GALNTL6: variants seen among roughly 807,000 people sequenced by gnomAD.
GALNTL6 encodes the protein polypeptide N-acetylgalactosaminyltransferase like 6, also known as polypeptide N-acetylgalactosaminyltransferase-like 6.
In GALNTL6, 46 loss-of-function variants were observed where a neutral mutation model predicts 73.7. That is an observed-to-expected ratio of 0.62 (90% CI 0.49 to 0.80). GALNTL6 has a LOEUF of 0.80. Ranked by LOEUF, GALNTL6 falls within the 30% of genes least tolerant of loss-of-function variation. The pLI is 0.00. For synonymous variants in GALNTL6, 259 were observed against 263.7 expected (o/e 0.98, Z 0.17); for missense variants, 604 against 755.0 (o/e 0.80, Z 2.34).
chr4:172,137,281 G>A (rs1211274632), intron 2 of GALNTL6, among the ~76,000 whole-genome samples: 1 of 152,110 alleles, frequency 6.6e-6, no homozygotes, highest in African/African-American at 2.4e-5. Flanking sequence ...CTGAGAGAAG[G>A]AAAGTAGTTT....
At chr4:172,156,516 G>A (rs541872111) in intron 2 of GALNTL6, among the ~76,000 whole-genome samples, 1 of 117,518 alleles carries the variant, frequency 8.5e-6, no homozygotes, top group Non-Finnish European at 1.7e-5. Context: ...GCAGATATTT[G>A]ACTTTAAATA....
chr4:171,927,281 GCTTTA>G (rs1476920368), intron 2 of GALNTL6, among the ~76,000 whole-genome samples: 4 of 151,892 alleles, frequency 2.6e-5, no homozygotes, highest in African/African-American at 7.2e-5. Context: ...TATTGTTGGT[GCTTTA>G]CTTTTCTTTT....
chr4:172,461,347 C>T (rs1288698840), intron 5 of GALNTL6, among the ~76,000 whole-genome samples: 2 of 152,010 alleles, frequency 1.3e-5, no homozygotes, highest in African/African-American at 2.4e-5. Context: ...ACATGTATCC[C>T]AGAACTTAAA....
At position 172,184,266 on chromosome 4, in the gene GALNTL6, T is replaced by C. The variant is rs921900638; in HGVS notation, c.139-45390T>C. Among the ~76,000 whole-genome samples, 6 of 152,106 alleles carry C rather than the reference T, an allele frequency of 3.9e-5. No individual in the cohort carries two copies. The East Asian group carries it at 1.2e-3, about 29-fold the overall frequency. On this transcript the variant is annotated intron_variant, in intron 2 of 12. Coordinates refer to ENST00000506823, the MANE Select transcript of GALNTL6 (RefSeq NM_001034845.3). ...AGTGGGTATTTCCTAAGTTCAGCAT[T>C]TCTCTGCTGTGACACAGACCTGCTG... is the stretch of plus-strand genomic sequence containing the variant.
chr4:172,424,484 T>C (rs2111368437), intron 5 of GALNTL6, among the ~76,000 whole-genome samples: 1 of 152,204 alleles, frequency 6.6e-6, no homozygotes, highest in East Asian at 1.9e-4. Context: ...TTAGTGACGG[T>C]GAGCTAACTA....
intron 5 of GALNTL6, among the ~76,000 whole-genome samples, chr4:172,570,379 G>C (rs185949880): frequency 6.6e-6 from 1 of 152,304 alleles, no homozygotes; most frequent in East Asian, 1.9e-4. Flanking sequence ...CCTAATACAA[G>C]TGGATGCTGT....
intron 2 of GALNTL6, among the ~76,000 whole-genome samples, chr4:172,151,352 G>A (rs984829711): frequency 1.1e-4 from 16 of 152,258 alleles, no homozygotes; most frequent in African/African-American, 3.6e-4. Context: ...TTCCGTGATG[G>A]CAGGAATAGA....
At chr4:172,587,710 G>A (rs988007798) in intron 5 of GALNTL6, among the ~76,000 whole-genome samples, 7 of 152,248 alleles carry the variant, frequency 4.6e-5, no homozygotes, top group Non-Finnish European at 8.8e-5. Context: ...ATCGGCTCTA[G>A]CAATGCCTCC....
intron 2 of GALNTL6, among the ~76,000 whole-genome samples, chr4:172,094,355 A>G (rs1057006325): frequency 2.6e-5 from 4 of 152,152 alleles, no homozygotes; most frequent in African/African-American, 9.7e-5. Flanking sequence ...TACAATGATT[A>G]TTTGATTTGT....
chr4:172,442,678 G>A (rs762929406), intron 5 of GALNTL6, among the ~76,000 whole-genome samples: 2 of 152,124 alleles, frequency 1.3e-5, no homozygotes, highest in African/African-American at 2.4e-5. Flanking sequence ...ACTATAGTCA[G>A]AAAATGAGTC....
intron 5 of GALNTL6, among the ~76,000 whole-genome samples, chr4:172,690,206 A>G (rs948574983): frequency 6.6e-6 from 1 of 152,186 alleles, no homozygotes; most frequent in African/African-American, 2.4e-5. Flanking sequence ...AATGTCAAAT[A>G]GCTTGAAAAT....
At chr4:172,969,542 AT>A (rs1234301486) in intron 10 of GALNTL6, among the ~76,000 whole-genome samples, 1 of 152,242 alleles carries the variant, frequency 6.6e-6, no homozygotes, top group African/African-American at 2.4e-5. Context: ...AAATGGTTGT[AT>A]TGTTAAAACA....
chr4:172,450,862 C>T (rs1732183623), intron 5 of GALNTL6, among the ~76,000 whole-genome samples: 1 of 152,234 alleles, frequency 6.6e-6, no homozygotes, highest in Non-Finnish European at 1.5e-5. Flanking sequence ...CTGAAATAGA[C>T]TCCAGTCATT....
chr4:172,331,358 C>T (rs1394817612), intron 4 of GALNTL6, among the ~76,000 whole-genome samples: 1 of 152,062 alleles, frequency 6.6e-6, no homozygotes, highest in Non-Finnish European at 1.5e-5. Flanking sequence ...GGGCTCACTG[C>T]AACCTCCACC....
At chr4:172,192,121 A>G (rs1444837299) in intron 2 of GALNTL6, among the ~76,000 whole-genome samples, 1 of 152,228 alleles carries the variant, frequency 6.6e-6, no homozygotes, top group East Asian at 1.9e-4. Flanking sequence ...TGGTGTAATA[A>G]TATTAATTGT....
intron 2 of GALNTL6, among the ~76,000 whole-genome samples, chr4:171,937,988 G>A (rs1388169635): frequency 2.6e-5 from 4 of 152,102 alleles, no homozygotes; most frequent in Non-Finnish European, 4.4e-5. Context: ...GTTGTTTCTC[G>A]CCGTTCTGCC....
intron 5 of GALNTL6, among the ~76,000 whole-genome samples, chr4:172,568,490 C>T (rs1361072537): frequency 1.3e-5 from 2 of 152,146 alleles, no homozygotes; most frequent in South Asian, 4.2e-4. Flanking sequence ...GGCGCGGTGG[C>T]TCACGCTTGT....
In GALNTL6 at chr4:172,206,984, G is replaced by T. The variant is rs371670594; in HGVS notation, c.139-22672G>T. ...AGGCACCCACCACCACGCCCGGCTA[G>T]TTTTTTGTATTTTTAGTAGAGGCGG... On this transcript the variant is annotated intron_variant, in intron 2 of 12. Transcript: ENST00000506823. Among the ~76,000 whole-genome samples, 5 of 151,162 alleles carry T rather than the reference G, an allele frequency of 3.3e-5. No individual in the cohort carries two copies. In the East Asian group the frequency reaches 7.9e-4, roughly 24 times the overall value.
chr4:172,495,043 G>A (rs1734024130), intron 5 of GALNTL6, among the ~76,000 whole-genome samples: 2 of 152,142 alleles, frequency 1.3e-5, no homozygotes, highest in African/African-American at 4.8e-5. Context: ...AGACAGCAAG[G>A]GAGTGACTGT....
Sources: allele counts gnomAD v4.1 joint callset (sites outside exome capture counted in the v4.1 genomes callset), GRCh38; gene constraint gnomAD v4.1.1; transcripts MANE v1.5; gene names NCBI Gene and HGNC (gene_info 2026-07-23, HGNC 2026-07-21).